Variants in PCCB observed in about 807,000 individuals in gnomAD.
PCCB encodes the protein propionyl-CoA carboxylase subunit beta, also known as propionyl-CoA carboxylase beta chain, mitochondrial.
Under a neutral mutation model 60.7 loss-of-function variants are expected in PCCB, and 43 were observed. The observed-to-expected ratio is 0.71, with a 90% CI of 0.55 to 0.91. The LOEUF (loss-of-function observed/expected upper bound fraction) is 0.91. Ranked by LOEUF, PCCB falls within the 40% of genes least tolerant of loss-of-function variation. The pLI is 0.00. For missense variants in PCCB, 766 were observed against 702.8 expected (o/e 1.09, Z -1.02); for synonymous variants, 276 against 255.9 (o/e 1.08, Z -0.75).
chr3:136,284,647 G>A (rs1933284858), intron 6 of PCCB, among the ~76,000 whole-genome samples: 1 of 152,076 alleles, frequency 6.6e-6, no homozygotes, highest in South Asian at 2.1e-4. Flanking sequence ...GAGTGTAAAT[G>A]GGAAACCCTT....
rs151219164 is a variant in PCCB, at chr3:136,310,640, A to G, written c.967-6301A>G. Among the ~76,000 whole-genome samples the G allele has an allele frequency of 4.0e-3, 608 of 152,308 alleles. 11 individuals carry two copies. Among genetic ancestry groups the G allele is most frequent in the Non-Finnish European group, 1.6e-3 (106 of 68,032 alleles). Reference sequence around the variant, plus strand: ...GCATAGAAAGTAAACAAAACACACAAGAACCTTCCAAAATTTTTTAAAAGA... The same window carrying G: ...GCATAGAAAGTAAACAAAACACACAGGAACCTTCCAAAATTTTTTAAAAGA... On this transcript the variant is annotated intron_variant, in intron 9 of 14. Transcript: ENST00000251654.
At chr3:136,287,487 A>G (rs781070808) in intron 6 of PCCB, among the ~76,000 whole-genome samples, 3 of 151,594 alleles carry the variant, frequency 2.0e-5, no homozygotes, top group Non-Finnish European at 4.4e-5. Context: ...GCTGGAGTGC[A>G]GTGACATGGA....
intron 6 of PCCB, 26 bp downstream of exon 6, chr3:136,283,973 T>C (rs377260118): frequency 2.9e-5 from 41 of 1,437,262 alleles, no homozygotes; most frequent in Non-Finnish European, 3.9e-5. Flanking sequence ...CTGTTTTTGG[T>C]GCCGTTTGAG....
At chr3:136,308,522 G>A (rs1441863880) in intron 9 of PCCB, among the ~76,000 whole-genome samples, 1 of 152,204 alleles carries the variant, frequency 6.6e-6, no homozygotes. Context: ...ACACAGCATT[G>A]TTATTACAAA....
At chr3:136,289,941 A>G (rs1446262554) in intron 6 of PCCB, among the ~76,000 whole-genome samples, 2 of 152,112 alleles carry the variant, frequency 1.3e-5, no homozygotes, top group African/African-American at 4.8e-5. Flanking sequence ...CCTATCCCTC[A>G]TATGATATAT....
At chr3:136,260,605 G>C (rs1941795137) in intron 4 of PCCB, 70 bp downstream of exon 4, 1 of 1,309,874 alleles carries the variant, frequency 7.6e-7, no homozygotes, top group Non-Finnish European at 1.1e-6. Context: ...AGTATCTTTG[G>C]GGTACAAGAC....
intron 6 of PCCB, among the ~76,000 whole-genome samples, chr3:136,284,439 A>G (rs1933259158): frequency 6.6e-6 from 1 of 152,238 alleles, no homozygotes; most frequent in South Asian, 2.1e-4. Context: ...TAATGGACTT[A>G]TATTTTAAAA....
At position 136,264,325 on chromosome 3, in the gene PCCB, C is replaced by T. The variant is rs181296266; in HGVS notation, c.543+2260C>T. Among the ~76,000 whole-genome samples, 732 of 151,658 alleles carry T rather than the reference C, an allele frequency of 4.8e-3. 3 individuals carry two copies. The highest frequency in any genetic ancestry group is 0.02 in the Middle Eastern group (6 of 294). On this transcript the variant is annotated intron_variant, in intron 5 of 14. Coordinates refer to ENST00000251654, the MANE Select transcript of PCCB (RefSeq NM_000532.5). ...TCGATTCATCGATGTTATTCTAATT[C>T]ATTATCCTTATTCAGGACTTAAGTC...
intron 10 of PCCB, among the ~76,000 whole-genome samples, chr3:136,317,472 G>A (rs543508370): frequency 5.1e-4 from 78 of 151,816 alleles, no homozygotes; most frequent in Non-Finnish European, 3.2e-4. Flanking sequence ...CAAGTGATCC[G>A]CCCACCTCAG....
rs557950369 is a variant in PCCB, at chr3:136,325,673, A to G, written c.1091-1130A>G. 2.0e-5 allele frequency among the ~76,000 whole-genome samples: 3 copies of G among 152,050 alleles called. No individual in the cohort carries two copies. In the South Asian group the frequency reaches 6.2e-4, roughly 32 times the overall value. ...TGCCGGGCCATGTTTTTATTCATGA[A>G]TGGATATTAAATTTTTTCAGGTATT... On this transcript the variant is annotated intron_variant, in intron 10 of 14. Transcript: ENST00000251654.
chr3:136,261,892 G>A, intron 4 of PCCB, 60 bp from the exon 5 acceptor site: 3 of 1,160,614 alleles, frequency 2.6e-6, no homozygotes, highest in Non-Finnish European at 3.8e-6. Flanking sequence ...GGTATTTTGT[G>A]AATGTCGTTT....
At chr3:136,252,296 T>C (rs1376314116) in intron 1 of PCCB, 1 of 455,660 alleles carries the variant, frequency 2.2e-6, no homozygotes, top group Non-Finnish European at 4.4e-6. Context: ...TTCACTCTGT[T>C]GCCCAGGCTA....
chr3:136,305,292 A>G (rs1393402647), intron 9 of PCCB, among the ~76,000 whole-genome samples: 4 of 117,664 alleles, frequency 3.4e-5, no homozygotes, highest in Admixed American at 1.0e-4. Flanking sequence ...GGGTTTCGCC[A>G]TGTTGGCCAG....
chr3:136,327,348 G>A (rs1935359482), intron 12 of PCCB, 93 bp downstream of exon 12: 1 of 918,702 alleles, frequency 1.1e-6, no homozygotes, highest in Non-Finnish European at 1.8e-6. Flanking sequence ...AGGGCTGGAA[G>A]GAGTACACCT....
At chr3:136,268,104 A>ATATATATATATATATATATATG (rs1942077281) in intron 5 of PCCB, among the ~76,000 whole-genome samples, 1 of 124,510 alleles carries the variant, frequency 8.0e-6, no homozygotes, top group African/African-American at 3.4e-5. Flanking sequence ...ATATATATAT[A>ATATATATATATATATATATATG]TATATATATA....
rs753833864 is a variant in PCCB, at chr3:136,316,995, A to G, written c.1021A>G (p.Ile341Val). Residue 341 changes from isoleucine (I) to valine (V), a missense_variant, in exon 10 of 15, where the codon ATT (isoleucine) becomes GTT (valine). Ile to Val is a conservative substitution (Grantham distance 29). Transcript: ENST00000251654. ...EIMPNYAKNI[I>V]VGFARMNGRT... ...CATGCCCAATTATGCCAAGAACATC[A>G]TTGTTGGTTTTGCAAGAATGAATGG... The G allele has an allele frequency of 1.2e-6, 2 of 1,613,988 alleles. No individual in the cohort carries two copies. The highest frequency in any genetic ancestry group is 2.2e-5 in the South Asian group (2 of 91,078).
At chr3:136,255,412 C>T (rs141124476) in intron 1 of PCCB, 2 of 256,548 alleles carry the variant, frequency 7.8e-6, no homozygotes, top group East Asian at 1.0e-4. Flanking sequence ...TAGGGACCCT[C>T]GTGAGGTGAG....
At chr3:136,322,616 A>C (rs1202782091) in intron 10 of PCCB, among the ~76,000 whole-genome samples, 1 of 152,238 alleles carries the variant, frequency 6.6e-6, no homozygotes, top group African/African-American at 2.4e-5. Context: ...AGGAAATAAA[A>C]AGTGAAGTTA....
At chr3:136,250,619 C>G (rs543941015) in intron 1 of PCCB, 61 bp downstream of exon 1, 1 of 1,514,678 alleles carries the variant, frequency 6.6e-7, no homozygotes. Context: ...TCACTGCGTG[C>G]CCGGCTTGCG....
Sources: gnomAD v4.1 joint callset for allele counts (sites outside exome capture counted in the v4.1 genomes callset) on GRCh38, gnomAD v4.1.1 for gene constraint, MANE v1.5 for transcripts, NCBI Gene and HGNC (gene_info 2026-07-23, HGNC 2026-07-21) for gene names.